The following CADM2 variants were observed in gnomAD, a reference collection of about 807,000 sequenced individuals.
The protein encoded by CADM2 is cell adhesion molecule 2.
In CADM2, 12 loss-of-function variants were observed where a neutral mutation model predicts 49.8. The observed-to-expected ratio is 0.24, with a 90% CI of 0.15 to 0.39. The LOEUF is 0.39. Ranked by LOEUF, CADM2 falls within the 10% of genes least tolerant of loss-of-function variation. The pLI is 1.00. For synonymous variants in CADM2, 214 were observed against 175.4 expected, an observed-to-expected ratio of 1.22 and a Z score of -1.74; for missense variants, 378 against 492.3, an observed-to-expected ratio of 0.77 and a Z score of 2.20.
intron 1 of CADM2, among the ~76,000 whole-genome samples, chr3:85,550,278 T>G (rs2061769476): frequency 6.6e-6 from 1 of 152,196 alleles, no homozygotes; most frequent in African/African-American, 2.4e-5. Flanking sequence ...CAGTAAGCCA[T>G]GTATTGGTTC....
At chr3:85,779,101 AT>A (rs1408416831) in intron 2 of CADM2, among the ~76,000 whole-genome samples, 1 of 152,118 alleles carries the variant, frequency 6.6e-6, no homozygotes, top group Non-Finnish European at 1.5e-5. Context: ...ACTTTACAGT[AT>A]AATACTTAAG....
intron 3 of CADM2, among the ~76,000 whole-genome samples, chr3:85,827,422 C>T (rs561410757): frequency 5.9e-5 from 9 of 151,750 alleles, no homozygotes; most frequent in African/African-American, 1.5e-4. Flanking sequence ...TGTTGCATAG[C>T]GCGGTGTGTA....
intron 1 of CADM2, among the ~76,000 whole-genome samples, chr3:85,168,487 C>A (rs2040530651): frequency 1.3e-5 from 2 of 152,062 alleles, no homozygotes; most frequent in Admixed American, 1.3e-4. Context: ...AATTATTTAA[C>A]ACTTAGTTTA....
chr3:85,888,462 A>G (rs1194257025), intron 5 of CADM2, among the ~76,000 whole-genome samples: 2 of 152,218 alleles, frequency 1.3e-5, no homozygotes, highest in Non-Finnish European at 2.9e-5. Context: ...CAGAACAACA[A>G]TGAAGACAGA....
chr3:85,762,700 A>G (rs1388259574), intron 2 of CADM2, among the ~76,000 whole-genome samples: 2 of 151,726 alleles, frequency 1.3e-5, no homozygotes, highest in Non-Finnish European at 2.9e-5. Context: ...AATGTACTAT[A>G]TATATGTATA....
chr3:85,375,551 C>T (rs1257121499), intron 1 of CADM2, among the ~76,000 whole-genome samples: 1 of 152,182 alleles, frequency 6.6e-6, no homozygotes, highest in African/African-American at 2.4e-5. Context: ...GCTGTTCCTG[C>T]TCAGTTTGTC....
At chr3:85,149,828 T>A (rs577889031) in intron 1 of CADM2, among the ~76,000 whole-genome samples, 1 of 152,360 alleles carries the variant, frequency 6.6e-6, no homozygotes, top group South Asian at 2.1e-4. Context: ...TGCATAAAAT[T>A]ATTTACAATA....
rs1012348845 is a variant in CADM2 at position 85,814,350 on chromosome 3, A to C, written c.238+12154A>C. Among the ~76,000 whole-genome samples the C allele has an allele frequency of 1.6e-4, 25 of 152,024 alleles. 1 individual carries two copies. Among genetic ancestry groups the C allele is most frequent in the African/African-American group, 6.0e-4 (25 of 41,414 alleles). On this transcript the variant is annotated intron_variant, in intron 3 of 9. Transcript: ENST00000383699. ...ATGATTTGGTCTCTGTTTGTATGTT[A>C]TTGATGTATAGGAATGCTTGTGATT...
At chr3:85,717,758 T>G (rs2067348502) in intron 1 of CADM2, among the ~76,000 whole-genome samples, 1 of 152,032 alleles carries the variant, frequency 6.6e-6, no homozygotes, top group South Asian at 2.1e-4. Context: ...TGTGGTTTTG[T>G]GGGGGTTTTT....
intron 3 of CADM2, among the ~76,000 whole-genome samples, chr3:85,876,179 T>C (rs1204086185): frequency 6.6e-6 from 1 of 152,184 alleles, no homozygotes; most frequent in East Asian, 1.9e-4. Context: ...TGAGTGTAAA[T>C]GTTATACATT....
chr3:85,437,492 T>G (rs1439352492), intron 1 of CADM2, among the ~76,000 whole-genome samples: 1 of 152,136 alleles, frequency 6.6e-6, no homozygotes, highest in Non-Finnish European at 1.5e-5. Context: ...TTCCTGTTGC[T>G]CCATATTCTT....
At chr3:85,924,478 G>A (rs2108510937) in intron 6 of CADM2, among the ~76,000 whole-genome samples, 1 of 152,068 alleles carries the variant, frequency 6.6e-6, no homozygotes, top group South Asian at 2.1e-4. Context: ...CTGTAGCCCA[G>A]CTACATCGGG....
At chr3:84,964,477 C>A (rs968525579) in intron 1 of CADM2, among the ~76,000 whole-genome samples, 2 of 152,242 alleles carry the variant, frequency 1.3e-5, no homozygotes, top group South Asian at 2.1e-4. Flanking sequence ...CTGACAAGTG[C>A]TCTATGATAT....
chr3:85,570,720 T>C (rs902425456), intron 1 of CADM2, among the ~76,000 whole-genome samples: 2 of 152,284 alleles, frequency 1.3e-5, no homozygotes, highest in African/African-American at 4.8e-5. Flanking sequence ...GGGAAAAATA[T>C]AGAATTCCAG....
chr3:85,192,403 G>C (rs892426285), intron 1 of CADM2, among the ~76,000 whole-genome samples: 2 of 151,808 alleles, frequency 1.3e-5, no homozygotes, highest in African/African-American at 4.8e-5. Context: ...TTAAAAAATT[G>C]TTCTCTTAGA....
chr3:85,387,987 TAG>T (rs2034328032), intron 1 of CADM2, among the ~76,000 whole-genome samples: 1 of 152,194 alleles, frequency 6.6e-6, no homozygotes, highest in Non-Finnish European at 1.5e-5. Context: ...GCTCTCAGAA[TAG>T]AATAGATTAT....
At chr3:85,799,912 T>G (rs1014466925) in intron 2 of CADM2, 20 of 152,292 alleles carry the variant, frequency 1.3e-4, no homozygotes, top group African/African-American at 4.6e-4. Flanking sequence ...GTTCGAGCAT[T>G]GTGCTGGAAG....
At chr3:85,468,153 C>CAAAAAAAAA (rs57721920) in intron 1 of CADM2, among the ~76,000 whole-genome samples, 42 of 55,348 alleles carry the variant, frequency 7.6e-4, no homozygotes, top group African/African-American at 3.7e-3. Context: ...GACTCCGTCT[C>CAAAAAAAAA]AAAAAAAAAA....
chr3:85,414,892 A>G (rs1335843912), intron 1 of CADM2, among the ~76,000 whole-genome samples: 1 of 152,164 alleles, frequency 6.6e-6, no homozygotes, highest in Non-Finnish European at 1.5e-5. Context: ...TATATATGAG[A>G]GACTTTTGAC....
Sources: gnomAD v4.1 joint callset for allele counts (sites outside exome capture counted in the v4.1 genomes callset) on GRCh38, gnomAD v4.1.1 for gene constraint, MANE v1.5 for transcripts, NCBI Gene and HGNC (gene_info 2026-07-23, HGNC 2026-07-21) for gene names.